DCTD: variants seen among roughly 807,000 people sequenced by gnomAD.
DCTD encodes the protein dCMP deaminase, also known as deoxycytidylate deaminase.
A neutral mutation model predicts 21.0 loss-of-function variants in DCTD; 23 were observed. That is an observed-to-expected ratio of 1.09 (90% confidence interval 0.79 to 1.55). The LOEUF (loss-of-function observed/expected upper bound fraction) is 1.55. Ranked by LOEUF, DCTD falls within the 40% of genes most tolerant of loss-of-function variation. DCTD has a pLI of 0.00. For missense variants in DCTD, 224 were observed against 230.0 expected (o/e 0.97, Z 0.17); for synonymous variants, 71 against 81.1 (o/e 0.88, Z 0.67).
chr4:182,914,621 G>A (rs1023866186), intron 3 of DCTD, among the ~76,000 whole-genome samples: 6 of 152,168 alleles, frequency 3.9e-5, no homozygotes, highest in East Asian at 1.9e-4. Flanking sequence ...CTGCAGAGAC[G>A]CCGACTATCA....
intron 4 of DCTD, among the ~76,000 whole-genome samples, chr4:182,893,529 C>A (rs1734186555): frequency 6.6e-6 from 1 of 152,248 alleles, no homozygotes; most frequent in Admixed American, 6.5e-5. Context: ...TGCTTCCCAG[C>A]ATGGCTTTGC....
At chr4:182,898,993 T>G (rs34675565) in intron 3 of DCTD, among the ~76,000 whole-genome samples, 37,514 of 152,148 alleles carry the variant, frequency 0.25, 4,953 homozygotes, top group Non-Finnish European at 0.3. Context: ...TTCCTAAAAA[T>G]TATGTTTCAG....
At chr4:182,897,441 C>G (rs967436420) in intron 3 of DCTD, among the ~76,000 whole-genome samples, 7 of 150,452 alleles carry the variant, frequency 4.7e-5, no homozygotes, top group Non-Finnish European at 8.9e-5. Flanking sequence ...CAGTACTTCC[C>G]AACATCACCA....
chr4:182,905,283 T>C (rs917099688), intron 3 of DCTD, among the ~76,000 whole-genome samples: 1 of 151,852 alleles, frequency 6.6e-6, no homozygotes, highest in Non-Finnish European at 1.5e-5. Context: ...CTTTTAATCT[T>C]AGGCCTCTTG....
chr4:182,908,586 A>G (rs1737121659), intron 3 of DCTD, among the ~76,000 whole-genome samples: 1 of 151,046 alleles, frequency 6.6e-6, no homozygotes. Flanking sequence ...CCGAGGCTGA[A>G]GCAGGAGAAT....
chr4:182,915,638 T>C, intron 1 of DCTD, 63 bp from the exon 2 acceptor site: 1 of 1,145,560 alleles, frequency 8.7e-7, no homozygotes, highest in Non-Finnish European at 1.3e-6. Context: ...TGTTTTCCAG[T>C]TCAACCCAAC....
chr4:182,895,769 A>G (rs1414456211), intron 3 of DCTD, among the ~76,000 whole-genome samples: 1 of 152,162 alleles, frequency 6.6e-6, no homozygotes, highest in Non-Finnish European at 1.5e-5. Context: ...AACCTCTCTG[A>G]TATCAGAACA....
intron 3 of DCTD, among the ~76,000 whole-genome samples, chr4:182,900,252 G>T (rs535512221): frequency 6.6e-6 from 1 of 152,158 alleles, no homozygotes; most frequent in East Asian, 1.9e-4. Context: ...GGAGGTCAAG[G>T]CTGCAGTGAG....
chr4:182,893,734 AC>A (rs1252521734), intron 4 of DCTD, among the ~76,000 whole-genome samples: 3 of 152,214 alleles, frequency 2.0e-5, no homozygotes, highest in Non-Finnish European at 4.4e-5. Flanking sequence ...CCGCCTCCAC[AC>A]CTGGGCACCG....
intron 1 of DCTD, chr4:182,915,800 T>C: frequency 9.6e-7 from 1 of 1,045,734 alleles, no homozygotes; most frequent in Non-Finnish European, 1.3e-6. Flanking sequence ...ACCTATAGCT[T>C]CACGTTCCCA....
At chr4:182,899,784 A>G (rs1344182133) in intron 3 of DCTD, among the ~76,000 whole-genome samples, 2 of 152,192 alleles carry the variant, frequency 1.3e-5, no homozygotes, top group African/African-American at 2.4e-5. Context: ...GTGTCTAGCC[A>G]TAACTGCCCA....
At chr4:182,916,796 C>A in intron 1 of DCTD, 1 of 1,120,594 alleles carries the variant, frequency 8.9e-7, no homozygotes, top group Non-Finnish European at 1.1e-6. Flanking sequence ...TGTTAATCCC[C>A]TGGGCGCCTT....
Position 182,915,323 on chromosome 4 carries a change from G to A in DCTD, c.108+138C>T, listed in dbSNP as rs977840351. ...CTGTCTCACAGGAAGAACTAAGCTT[G>A]TAGAAACGCAGCACAAAAGGCAGAC... is the stretch of plus-strand genomic sequence containing the variant. On this transcript the variant is annotated intron_variant, in intron 2 of 5. Transcript: ENST00000438320. 9.3e-5 allele frequency: 67 copies of A among 722,074 alleles called. No homozygotes were observed. The Admixed American group carries it at 9.4e-4, about 10-fold the overall frequency. 44.7% of individuals were successfully genotyped at this position (722,074 alleles called of 1,614,324 possible).
chr4:182,899,400 T>C (rs1400332590), intron 3 of DCTD, among the ~76,000 whole-genome samples: 1 of 82,698 alleles, frequency 1.2e-5, no homozygotes, highest in Non-Finnish European at 2.9e-5. Context: ...CTTTTTTTTC[T>C]TTTTCTTTTT....
At chr4:182,894,923 T>C (rs1013876574) in intron 3 of DCTD, among the ~76,000 whole-genome samples, 4 of 152,206 alleles carry the variant, frequency 2.6e-5, no homozygotes, top group Non-Finnish European at 5.9e-5. Context: ...AGCTGGCTCA[T>C]TGGTGTGCTG....
chr4:182,901,699 T>G (rs1735776887), intron 3 of DCTD, among the ~76,000 whole-genome samples: 2 of 151,972 alleles, frequency 1.3e-5, no homozygotes, highest in Admixed American at 6.6e-5. Context: ...CACCCTCTAT[T>G]ATTTCTACTG....
intron 3 of DCTD, among the ~76,000 whole-genome samples, chr4:182,898,622 CT>C (rs1411892893): frequency 6.6e-6 from 1 of 152,138 alleles, no homozygotes; most frequent in East Asian, 1.9e-4. Context: ...CAGCCCCTTC[CT>C]CCCTCCATCT....
At chr4:182,905,870 T>C (rs1169387168) in intron 3 of DCTD, among the ~76,000 whole-genome samples, 1 of 152,200 alleles carries the variant, frequency 6.6e-6, no homozygotes, top group Non-Finnish European at 1.5e-5. Context: ...TAAATCTTCC[T>C]TGATCATTCC....
chr4:182,893,605 G>T (rs570400774), intron 4 of DCTD, among the ~76,000 whole-genome samples: 1 of 152,224 alleles, frequency 6.6e-6, no homozygotes, highest in Non-Finnish European at 1.5e-5. Flanking sequence ...AGCAGGCAGC[G>T]CTAACTCGGC....
Sources: gnomAD v4.1 joint callset for allele counts (sites outside exome capture counted in the v4.1 genomes callset) on GRCh38, gnomAD v4.1.1 for gene constraint, MANE v1.5 for transcripts, NCBI Gene and HGNC (gene_info 2026-07-23, HGNC 2026-07-21) for gene names.